Variants in LUZP4 observed in about 807,000 individuals in gnomAD.
LUZP4 encodes the protein leucine zipper protein 4.
LUZP4 carries 11 observed loss-of-function variants against 8.5 expected under a neutral mutation model. The ratio of observed to expected loss-of-function variants is 1.30; its 90% confidence interval spans 0.82 to 2.14. LUZP4 has a LOEUF of 2.14. LUZP4 is among the 30% of genes most tolerant of loss of function. The pLI is 0.00. For missense variants in LUZP4, 276 were observed against 229.7 expected (o/e 1.20, Z -1.30); for synonymous variants, 104 against 79.4 (o/e 1.31, Z -1.65).
At chrX:115,304,403 A>G (rs782154759) in intron 3 of LUZP4, among the ~76,000 whole-genome samples, 15 of 112,376 alleles carry the variant, frequency 1.3e-4, no homozygotes, top group African/African-American at 4.5e-4. Context: ...ATTTTTTTAT[A>G]CAGTTTGGGA....
In LUZP4 at chrX:115,306,299, C is replaced by A; in HGVS notation, c.437C>A (p.Ser146Ter). The stretch of plus-strand genomic sequence containing the variant: ...CAATCAGAAGGAAATCCGGACAAAT[C>A]AGAAGAATCCCAGGGCCAACCAGAA... ...QHQSEGNPDK[S>*]EESQGQPEEN... Residue 146 changes from serine (S) to a stop codon, truncating the protein, a stop_gained, in exon 4 of 4, where the codon TCA (serine) becomes TAA (stop). Transcript: ENST00000371920. LOFTEE classifies it low-confidence loss of function (END_TRUNC). The A allele has an allele frequency of 1.7e-6, 2 of 1,211,420 alleles. No individual in the cohort carries two copies. The highest frequency in any genetic ancestry group is 2.2e-6 in the Non-Finnish European group (2 of 895,446).
chrX:115,295,352 T>C (rs1308455535), intron 1 of LUZP4, among the ~76,000 whole-genome samples: 1 of 112,294 alleles, frequency 8.9e-6, no homozygotes, highest in East Asian at 2.8e-4. Flanking sequence ...GTGCTGGGAT[T>C]ACAGCCGTGA....
chrX:115,297,870 G>A (rs1230610269), intron 1 of LUZP4, among the ~76,000 whole-genome samples: 1 of 107,884 alleles, frequency 9.3e-6, no homozygotes, highest in Non-Finnish European at 1.9e-5. Context: ...GAGCAGTGGC[G>A]TAATCTCGGC....
At chrX:115,298,571 T>G (rs1465200206) in intron 1 of LUZP4, among the ~76,000 whole-genome samples, 1 of 112,723 alleles carries the variant, frequency 8.9e-6, no homozygotes, top group African/African-American at 3.2e-5. Flanking sequence ...CTAGATTTAT[T>G]CTGCTATTAA....
At chrX:115,298,788 G>C (rs2073382317) in intron 1 of LUZP4, among the ~76,000 whole-genome samples, 1 of 111,565 alleles carries the variant, frequency 9.0e-6, no homozygotes, top group African/African-American at 3.3e-5. Context: ...GTTTTTCCAG[G>C]ACTCGTCCTT....
chrX:115,303,396 A>G lies in LUZP4; in HGVS notation c.320A>G (p.Asn107Ser). The G allele has an allele frequency of 8.6e-7, 1 of 1,168,380 alleles. No individual in the cohort carries two copies. Among genetic ancestry groups the G allele is most frequent in the Non-Finnish European group, 1.2e-6 (1 of 868,636 alleles). The part of the protein sequence containing the change: ...SGFKSGQHPL[N>S]GQPLIEQEKC... ...TTCAAGTCTGGACAACACCCTTTAA[A>G]TGGGCAGCCTTTAATTGAGCAGGTA... Residue 107 changes from asparagine (N) to serine (S), a missense_variant, in exon 3 of 4, where the codon AAT (asparagine) becomes AGT (serine). By Grantham distance (46) the Asn-to-Ser change is conservative. Transcript: ENST00000371920.
intron 1 of LUZP4, among the ~76,000 whole-genome samples, chrX:115,299,316 G>A (rs1007289642): frequency 6.3e-5 from 7 of 110,304 alleles, no homozygotes; most frequent in African/African-American, 2.3e-4. Flanking sequence ...CTTGCTCAAG[G>A]CCCTGAATCT....
chrX:115,297,910 G>A (rs1023277563), intron 1 of LUZP4, among the ~76,000 whole-genome samples: 10 of 107,908 alleles, frequency 9.3e-5, no homozygotes, highest in African/African-American at 3.0e-4. Context: ...CCAGGTCCCC[G>A]TTAAGCAATT....
At chrX:115,300,730 C>T (rs934372082) in intron 1 of LUZP4, among the ~76,000 whole-genome samples, 1 of 111,286 alleles carries the variant, frequency 9.0e-6, no homozygotes, top group Non-Finnish European at 1.9e-5. Context: ...CTCATGATTG[C>T]TGTGTTCTTC....
At chrX:115,298,212 G>T (rs782299100) in intron 1 of LUZP4, among the ~76,000 whole-genome samples, 1 of 110,156 alleles carries the variant, frequency 9.1e-6, no homozygotes, top group Non-Finnish European at 1.9e-5. Flanking sequence ...GATTACAGGT[G>T]AGCACCACCA....
intron 1 of LUZP4, among the ~76,000 whole-genome samples, chrX:115,290,997 G>T (rs782788292): frequency 2.1e-4 from 23 of 111,217 alleles, no homozygotes; most frequent in Non-Finnish European, 3.4e-4. Flanking sequence ...GTAGAGCGAG[G>T]TTTCACCATG....
chrX:115,301,485 C>T (rs920732928), intron 1 of LUZP4, among the ~76,000 whole-genome samples: 5 of 112,125 alleles, frequency 4.5e-5, no homozygotes, highest in African/African-American at 6.5e-5. Flanking sequence ...CTATGAACTT[C>T]CATCACCACT....
At chrX:115,296,079 T>G (rs1394456202) in intron 1 of LUZP4, among the ~76,000 whole-genome samples, 1 of 111,997 alleles carries the variant, frequency 8.9e-6, no homozygotes, top group Non-Finnish European at 1.9e-5. Context: ...CTTACATTTT[T>G]TGAGGTTTCC....
At chrX:115,292,013 T>C (rs1239580486) in intron 1 of LUZP4, among the ~76,000 whole-genome samples, 3 of 112,092 alleles carry the variant, frequency 2.7e-5, no homozygotes, top group African/African-American at 9.7e-5. Flanking sequence ...TTGGAACTCC[T>C]GACCTCAAGT....
chrX:115,306,760 A>G lies in LUZP4; in HGVS notation c.898A>G (p.Arg300Gly). ...AGGGAGATCTCATGGCCAATCAGAAAGACATCAGAGATACTCAACAGGTAA... is the reference window on the plus strand; with the variant it reads ...AGGGAGATCTCATGGCCAATCAGAAGGACATCAGAGATACTCAACAGGTAA... ...QSGRSHGQSE[R>G]HQRYSTGKNT... is the part of the protein sequence containing the mutation. The change falls in exon 4 of 4, where the codon AGA (arginine) becomes GGA (glycine). Residue 300 changes from arginine (R) to glycine (G), a missense_variant. Transcript: ENST00000371920. The G allele has an allele frequency of 8.3e-7, 1 of 1,208,796 alleles. No individual in the cohort carries two copies. The highest frequency in any genetic ancestry group is 1.1e-6 in the Non-Finnish European group (1 of 892,628).
At chrX:115,300,237 T>C (rs980776630) in intron 1 of LUZP4, among the ~76,000 whole-genome samples, 4 of 111,655 alleles carry the variant, frequency 3.6e-5, no homozygotes, top group Non-Finnish European at 7.5e-5. Context: ...CCACACTCTG[T>C]TGGCCCAGTT....
intron 1 of LUZP4, 66 bp downstream of exon 1, chrX:115,289,916 G>A: frequency 4.9e-6 from 4 of 813,648 alleles, no homozygotes; most frequent in South Asian, 4.4e-5. Context: ...CAAGACCTCG[G>A]CATAGCGCTT....
At position 115,306,628 on chromosome X, in the gene LUZP4, C is replaced by T. The variant is rs782741222; in HGVS notation, c.766C>T (p.Gln256Ter). The part of the protein sequence containing the change: ...IATQRDLIAT[Q>*]KDLIATQRDL... ...CACTCAGAGAGATCTCATAGCCACT[C>T]AGAAAGATCTCATAGCCACTCAGAG... The change falls in exon 4 of 4, where the codon CAG becomes TAG. Residue 256 changes from glutamine (Q) to a stop codon, truncating the protein, a stop_gained. Transcript: ENST00000371920. LOFTEE classifies it low-confidence loss of function (END_TRUNC). The T allele has an allele frequency of 1.7e-6, 2 of 1,207,327 alleles. No homozygotes were observed. Among genetic ancestry groups the T allele is most frequent in the East Asian group, 3.0e-5 (1 of 33,634 alleles).
chrX:115,297,132 A>G (rs1489178205), intron 1 of LUZP4, among the ~76,000 whole-genome samples: 1 of 111,814 alleles, frequency 8.9e-6, no homozygotes, highest in African/African-American at 3.3e-5. Flanking sequence ...TAAAACATAT[A>G]GTTATTATTG....
Sources: gnomAD v4.1 joint callset for allele counts (sites outside exome capture counted in the v4.1 genomes callset) on GRCh38, gnomAD v4.1.1 for gene constraint, MANE v1.5 for transcripts, NCBI Gene and HGNC (gene_info 2026-07-23, HGNC 2026-07-21) for gene names.